DPYD: variants seen among roughly 807,000 people sequenced by gnomAD.
DPYD encodes the protein dihydropyrimidine dehydrogenase [NADP(+)].
In DPYD, 109 loss-of-function variants were observed where a neutral mutation model predicts 116.2. That is an observed-to-expected ratio of 0.94 (90% confidence interval 0.80 to 1.10). The LOEUF (loss-of-function observed/expected upper bound fraction) is 1.10, where lower values mean the gene tolerates loss of function less well. Among genes scored for constraint, DPYD ranks in the 50% least tolerant of loss-of-function variants. DPYD has a pLI of 0.00. For synonymous variants in DPYD, 440 were observed against 432.0 expected (o/e 1.02, Z -0.23); for missense variants, 1,302 against 1,254.5 (o/e 1.04, Z -0.57).
intron 20 of DPYD, among the ~76,000 whole-genome samples, chr1:97,103,924 T>C (rs1037898343): frequency 1.3e-5 from 2 of 152,148 alleles, no homozygotes; most frequent in Non-Finnish European, 2.9e-5. Flanking sequence ...CCATGTTTGC[T>C]CATGCATCCC....
At chr1:97,292,567 T>A (rs1318627132) in intron 18 of DPYD, among the ~76,000 whole-genome samples, 1 of 152,096 alleles carries the variant, frequency 6.6e-6, no homozygotes, top group Admixed American at 6.5e-5. Flanking sequence ...CAGTTCAAGA[T>A]GAGATTTGGG....
At chr1:97,670,258 G>A (rs1459790170) in intron 8 of DPYD, among the ~76,000 whole-genome samples, 5 of 152,004 alleles carry the variant, frequency 3.3e-5, no homozygotes, top group South Asian at 2.1e-4. Flanking sequence ...ATTACCAAAC[G>A]TAAAACAAAA....
intron 8 of DPYD, among the ~76,000 whole-genome samples, chr1:97,619,112 A>G (rs1656477958): frequency 6.6e-6 from 1 of 152,158 alleles, no homozygotes; most frequent in African/African-American, 2.4e-5. Context: ...CTTTGGTAAA[A>G]TTTTGTTGTT....
At chr1:97,210,404 G>A (rs1368633013) in intron 19 of DPYD, among the ~76,000 whole-genome samples, 2 of 152,040 alleles carry the variant, frequency 1.3e-5, no homozygotes, top group Non-Finnish European at 2.9e-5. Flanking sequence ...AATGACAAGA[G>A]CTTACTGAAA....
intron 13 of DPYD, among the ~76,000 whole-genome samples, chr1:97,479,226 G>A (rs911099007): frequency 2.6e-5 from 4 of 152,098 alleles, no homozygotes; most frequent in African/African-American, 4.8e-5. Flanking sequence ...AGCCCATATC[G>A]GTTTTCGAAA....
chr1:97,315,513 C>A (rs1362648554), intron 16 of DPYD, among the ~76,000 whole-genome samples: 2 of 151,904 alleles, frequency 1.3e-5, no homozygotes, highest in African/African-American at 4.8e-5. Context: ...AACCTTTGGC[C>A]CTCCTAACTC....
In DPYD at chr1:97,832,782, A is replaced by C. The variant is rs141382482; in HGVS notation, c.151-4586T>G. On this transcript the variant is annotated intron_variant, in intron 2 of 22. Transcript: ENST00000370192. ...ACTGTGATAGATTTCATAGTGTTTT[A>C]TATCTCATCTGTGTTAAGGATTCTA... Among the ~76,000 whole-genome samples the C allele has an allele frequency of 2.4e-3, 366 of 152,314 alleles. 5 individuals carry two copies. The highest frequency in any genetic ancestry group is 8.4e-3 in the African/African-American group (348 of 41,568).
chr1:97,323,172 T>C (rs1438780815), intron 16 of DPYD, among the ~76,000 whole-genome samples: 1 of 149,504 alleles, frequency 6.7e-6, no homozygotes, highest in Non-Finnish European at 1.5e-5. Context: ...TATATATGTA[T>C]ATATACATAT....
At chr1:97,787,839 C>T (rs966554558) in intron 3 of DPYD, among the ~76,000 whole-genome samples, 10 of 152,162 alleles carry the variant, frequency 6.6e-5, no homozygotes, top group Non-Finnish European at 1.0e-4. Flanking sequence ...TAATCAACAA[C>T]TTCAACATAA....
intron 3 of DPYD, among the ~76,000 whole-genome samples, chr1:97,741,996 C>A (rs896068869): frequency 6.6e-6 from 1 of 151,880 alleles, no homozygotes; most frequent in Non-Finnish European, 1.5e-5. Context: ...AGAGTATGCA[C>A]CAGTGCCTGG....
At chr1:97,098,172 A>T (rs1650402793) in intron 21 of DPYD, among the ~76,000 whole-genome samples, 1 of 152,126 alleles carries the variant, frequency 6.6e-6, no homozygotes, top group Admixed American at 6.6e-5. Flanking sequence ...GGAGTTAATT[A>T]TGTATTAAAA....
chr1:97,690,486 T>C (rs1236234930), intron 7 of DPYD, among the ~76,000 whole-genome samples: 1 of 151,958 alleles, frequency 6.6e-6, no homozygotes, highest in Non-Finnish European at 1.5e-5. Context: ...GATACATGCA[T>C]AGAAAGTGTA....
At chr1:97,121,677 G>T (rs1425992296) in intron 20 of DPYD, among the ~76,000 whole-genome samples, 1 of 152,094 alleles carries the variant, frequency 6.6e-6, no homozygotes, top group East Asian at 1.9e-4. Flanking sequence ...AGCTGAACTT[G>T]GTACGGGAGA....
At chr1:97,609,850 A>G (rs1655824549) in intron 8 of DPYD, among the ~76,000 whole-genome samples, 1 of 151,986 alleles carries the variant, frequency 6.6e-6, no homozygotes, top group Admixed American at 6.6e-5. Context: ...AAAGATTAGT[A>G]GGTAATTACT....
chr1:97,380,640 G>A (rs1314421976), intron 15 of DPYD, among the ~76,000 whole-genome samples: 1 of 152,164 alleles, frequency 6.6e-6, no homozygotes, highest in East Asian at 1.9e-4. Context: ...TCACATCACA[G>A]CATTAGCTAA....
chr1:97,553,625 GA>G (rs1377743162), intron 11 of DPYD, among the ~76,000 whole-genome samples: 2 of 152,014 alleles, frequency 1.3e-5, no homozygotes, highest in Non-Finnish European at 2.9e-5. Flanking sequence ...CATTTCCTCT[GA>G]AGTGTTAAAT....
chr1:97,463,725 C>T (rs1003187180), intron 13 of DPYD, among the ~76,000 whole-genome samples: 3 of 152,162 alleles, frequency 2.0e-5, no homozygotes, highest in Admixed American at 6.5e-5. Flanking sequence ...AGATGAGGAA[C>T]TTGTTGGGAA....
intron 2 of DPYD, among the ~76,000 whole-genome samples, chr1:97,858,295 C>A (rs1009014878): frequency 6.6e-5 from 10 of 151,958 alleles, no homozygotes; most frequent in African/African-American, 2.4e-4. Context: ...GATTTGTAGG[C>A]CACGAATTCA....
chr1:97,389,827 C>T (rs564197929), intron 14 of DPYD, among the ~76,000 whole-genome samples: 5 of 147,826 alleles, frequency 3.4e-5, no homozygotes, highest in East Asian at 4.0e-4. Context: ...TAAAAGGTAT[C>T]TCAAAGGTGA....
Sources: gnomAD v4.1 joint callset for allele counts (sites outside exome capture counted in the v4.1 genomes callset) on GRCh38, gnomAD v4.1.1 for gene constraint, MANE v1.5 for transcripts, NCBI Gene and HGNC (gene_info 2026-07-23, HGNC 2026-07-21) for gene names.